Variants in P2RX4 observed in about 807,000 individuals in gnomAD.
The protein encoded by P2RX4 is purinergic receptor P2X 4.
P2RX4 carries 37 observed loss-of-function variants against 48.0 expected under a neutral mutation model. That is an observed-to-expected ratio of 0.77 (90% CI 0.59 to 1.01). The LOEUF is 1.01. P2RX4 is among the 50% of genes least tolerant of loss of function. The probability of loss-of-function intolerance (pLI) is 0.00; values close to 1 mark genes in which losing one functional copy is unlikely to be tolerated. For missense variants in P2RX4, 501 were observed against 521.4 expected, an observed-to-expected ratio of 0.96 and a Z score of 0.38; for synonymous variants, 200 against 199.7, an observed-to-expected ratio of 1.00 and a Z score of -0.01.
chr12:121,226,175 C>A (rs903199748), intron 5 of P2RX4, among the ~76,000 whole-genome samples: 1 of 152,028 alleles, frequency 6.6e-6, no homozygotes, highest in African/African-American at 2.4e-5. Flanking sequence ...CCTGGCCTCA[C>A]AATATACTTT....
intron 5 of P2RX4, among the ~76,000 whole-genome samples, chr12:121,227,121 A>AC (rs1184370109): frequency 6.6e-6 from 1 of 151,914 alleles, no homozygotes; most frequent in East Asian, 1.9e-4. Flanking sequence ...AAAAAAAAAA[A>AC]ACCTGAGAGA....
At chr12:121,212,814 A>ATTTT (rs1187859501) in intron 1 of P2RX4, 4 of 31,472 alleles carry the variant, frequency 1.3e-4, no homozygotes, top group African/African-American at 4.2e-4. Context: ...ATATATATAT[A>ATTTT]TATATATATA....
intron 5 of P2RX4, among the ~76,000 whole-genome samples, chr12:121,224,197 G>T (rs1040846768): frequency 1.3e-5 from 2 of 152,224 alleles, no homozygotes; most frequent in Non-Finnish European, 2.9e-5. Context: ...ACATAGGCAA[G>T]CATTGGGGAG....
intron 5 of P2RX4, among the ~76,000 whole-genome samples, chr12:121,226,095 A>G (rs1593218555): frequency 6.8e-6 from 1 of 147,636 alleles, no homozygotes; most frequent in Admixed American, 6.8e-5. Flanking sequence ...CTGGTCTTGA[A>G]CTCCTGGGCT....
chr12:121,227,936 A>C (rs901526805), intron 5 of P2RX4, among the ~76,000 whole-genome samples: 2 of 151,804 alleles, frequency 1.3e-5, no homozygotes, highest in African/African-American at 4.8e-5. Context: ...AAAAAAAAAA[A>C]AAAATTTCAT....
Position 121,222,080 on chromosome 12 carries a change from CCTT to C in P2RX4, c.355-10_355-8del, listed in dbSNP as rs535076600. 530 of 1,612,984 alleles carry C rather than the reference CCTT, an allele frequency of 3.3e-4. 14 individuals carry two copies. In the South Asian group the frequency reaches 5.5e-3, roughly 17 times the overall value. On this transcript the variant is annotated splice_polypyrimidine_tract_variant and intron_variant, in intron 3 of 11. Coordinates refer to ENST00000337233, the MANE Select transcript of P2RX4 (RefSeq NM_002560.3). ...GGGCCACGTGGACTTTCTTTTCGCT[CCTT>C]CTTTTTCCAGATTCCAGATGCGACC...
chr12:121,214,057 C>T (rs1886059273), intron 1 of P2RX4: 1 of 152,056 alleles, frequency 6.6e-6, no homozygotes. Flanking sequence ...GAAAAATTAG[C>T]TTGGCATAGT....
intron 5 of P2RX4, 48 bp downstream of exon 5, chr12:121,223,091 T>C: frequency 8.3e-7 from 1 of 1,211,972 alleles, no homozygotes; most frequent in Non-Finnish European, 1.2e-6. Flanking sequence ...TTGTTTTGTT[T>C]TAGACACAGT....
rs376086064 is a variant in P2RX4, at chr12:121,228,933, C to G, written c.748-30C>G. 1.9e-6 allele frequency: 3 copies of G among 1,614,072 alleles called. No individual in the cohort carries two copies. In the African/African-American group the frequency reaches 4.0e-5, roughly 22 times the overall value. ...GTCTCGTGCCAGGTGCTGAGGAAAGCCTTGCCGTGTCTCTGCTGCTCATCC... is the reference window on the plus strand; with the variant it reads ...GTCTCGTGCCAGGTGCTGAGGAAAGGCTTGCCGTGTCTCTGCTGCTCATCC... On this transcript the variant is annotated intron_variant, in intron 7 of 11. Transcript: ENST00000337233.
At chr12:121,216,568 C>G (rs1041666599) in intron 1 of P2RX4, 5 of 253,094 alleles carry the variant, frequency 2.0e-5, no homozygotes, top group Non-Finnish European at 3.9e-5. Flanking sequence ...CGCCTGTAAT[C>G]CCAGCACTTT....
rs1886632164 is a variant in P2RX4 at position 121,221,855 on chromosome 12, T to C, written c.283-58T>C. ...GTCCTCTTCAGTCAGCGTCTGCCTT[T>C]CTTGGCTCTCCGTGAGTCCTCTGAG... On this transcript the variant is annotated intron_variant, in intron 2 of 11. Coordinates refer to ENST00000337233, the MANE Select transcript of P2RX4 (RefSeq NM_002560.3). 5 of 1,471,208 alleles carry C rather than the reference T, an allele frequency of 3.4e-6. No homozygotes were observed. In the Admixed American group the frequency reaches 8.4e-5, roughly 25 times the overall value. 91.1% of individuals were successfully genotyped at this position (1,471,208 alleles called of 1,614,324 possible).
chr12:121,233,676 C>T lies in P2RX4; in HGVS notation c.*127C>T. On this transcript the variant is annotated 3_prime_UTR_variant, in exon 12 of 12. Coordinates refer to ENST00000337233, the MANE Select transcript of P2RX4 (RefSeq NM_002560.3). ...TGATTGAGTCTCCACTCCACAAGCACTCAGGGTTCCCCAGCAGCTCCTGTG... is the reference window on the plus strand; with the variant it reads ...TGATTGAGTCTCCACTCCACAAGCATTCAGGGTTCCCCAGCAGCTCCTGTG... 6.5e-7 allele frequency: 1 copy of T among 1,539,636 alleles called. No homozygotes were observed. Among genetic ancestry groups the T allele is most frequent in the East Asian group, 2.5e-5 (1 of 40,744 alleles).
rs1229243821 is a variant in P2RX4 at position 121,232,761 on chromosome 12, C to G, written c.1044+85C>G. 7 of 1,172,934 alleles carry G rather than the reference C, an allele frequency of 6.0e-6. No individual in the cohort carries two copies. In the East Asian group the frequency reaches 1.6e-4, roughly 27 times the overall value. 72.7% of individuals were successfully genotyped at this position (1,172,934 alleles called of 1,614,324 possible). ...CTGGTCCTGGCCCTAGGCCCTAGAC[C>G]TCAGATGTGTTTCTAAACTTGACCC... On this transcript the variant is annotated intron_variant, in intron 10 of 11. Transcript: ENST00000337233. This position sits in a 1 kb window ranked among gnomAD's most constrained non-coding sequence, Gnocchi z 4.3.
rs1161547601 is a variant in P2RX4 at position 121,222,804 on chromosome 12, G to A, written c.428-143G>A. The A allele has an allele frequency of 2.0e-6, 3 of 1,529,278 alleles. No individual in the cohort carries two copies. In the African/African-American group the frequency reaches 4.1e-5, roughly 21 times the overall value. The allele number at this position is 1,529,278 out of a possible 1,614,324, so 94.7% of individuals were successfully genotyped here. A position where few individuals can be genotyped will look rare whatever the true frequency, so the allele number is the denominator to read the frequency against. On this transcript the variant is annotated intron_variant, in intron 4 of 11. Coordinates refer to ENST00000337233, the MANE Select transcript of P2RX4 (RefSeq NM_002560.3). ...CCTCCGATTCTAACTCCTGGACAGT[G>A]ACACTGTCTAAATCCCAGATTTGCA...
rs531582236 is a variant in P2RX4, at chr12:121,222,868, C to A, written c.428-79C>A. The A allele has an allele frequency of 2.8e-5, 39 of 1,408,026 alleles. No homozygotes were observed. In the South Asian group the frequency reaches 4.3e-4, roughly 15 times the overall value. 87.2% of individuals were successfully genotyped at this position (1,408,026 alleles called of 1,614,324 possible). The stretch of plus-strand genomic sequence containing the variant: ...GCTGCATGGGAGGCTGGATGGGGCT[C>A]TCACTCCCTACTCCAAAAAGGTAGA... On this transcript the variant is annotated intron_variant, in intron 4 of 11. Transcript: ENST00000337233.
rs564434266 is a variant in P2RX4, at chr12:121,222,864, G to T, written c.428-83G>T. ...ACTGGCTGCATGGGAGGCTGGATGG[G>T]GCTCTCACTCCCTACTCCAAAAAGG... is the stretch of plus-strand genomic sequence containing the variant. On this transcript the variant is annotated intron_variant, in intron 4 of 11. Coordinates refer to ENST00000337233, the MANE Select transcript of P2RX4 (RefSeq NM_002560.3). The T allele has an allele frequency of 7.8e-6, 11 of 1,406,296 alleles. No homozygotes were observed. The Admixed American group carries it at 1.4e-4, about 17-fold the overall frequency. 87.1% of individuals were successfully genotyped at this position (1,406,296 alleles called of 1,614,324 possible). A position where few individuals can be genotyped will look rare whatever the true frequency, so the allele number is the denominator to read the frequency against.
At chr12:121,225,227 C>A (rs1431959947) in intron 5 of P2RX4, among the ~76,000 whole-genome samples, 3 of 151,780 alleles carry the variant, frequency 2.0e-5, no homozygotes, top group South Asian at 2.1e-4. Flanking sequence ...CACCCCCCAC[C>A]ACACCTTGCT....
In P2RX4 at chr12:121,212,822, A is replaced by AT. The variant is rs1358375217; in HGVS notation, c.134+2525dup. The stretch of plus-strand genomic sequence containing the variant: ...TATATATATATATATATATATATAT[A>AT]TATTTTTTTTTTTTTTTTGGAGACT... On this transcript the variant is annotated intron_variant, in intron 1 of 11. Coordinates refer to ENST00000337233, the MANE Select transcript of P2RX4 (RefSeq NM_002560.3). The AT allele has an allele frequency of 1.4e-3, 62 of 42,790 alleles. 1 individual carries two copies. Among genetic ancestry groups the AT allele is most frequent in the South Asian group, 3.0e-3 (3 of 1,014 alleles). The allele number at this position is 42,790 out of a possible 1,614,324, so 2.7% of individuals were successfully genotyped here. A position where few individuals can be genotyped will look rare whatever the true frequency, so the allele number is the denominator to read the frequency against.
At chr12:121,211,538 T>C (rs1885851400) in intron 1 of P2RX4, among the ~76,000 whole-genome samples, 1 of 152,076 alleles carries the variant, frequency 6.6e-6, no homozygotes. Flanking sequence ...GATAATTACC[T>C]TGCCACCTGG....
Sources: allele counts gnomAD v4.1 joint callset (sites outside exome capture counted in the v4.1 genomes callset), GRCh38; gene constraint gnomAD v4.1.1; non-coding constraint Gnocchi (gnomAD v3.1); transcripts MANE v1.5; gene names NCBI Gene and HGNC (gene_info 2026-07-23, HGNC 2026-07-21).